Variants in PDZRN4 observed in about 807,000 individuals in gnomAD.
PDZRN4 encodes PDZ domain containing ring finger 4, also known as PDZ domain-containing RING finger protein 4.
A neutral mutation model predicts 99.0 loss-of-function variants in PDZRN4; 70 were observed. The observed-to-expected ratio is 0.71, with a 90% CI of 0.58 to 0.86. PDZRN4 has a LOEUF of 0.86. Ranked by LOEUF, PDZRN4 falls within the 40% of genes least tolerant of loss-of-function variation. The pLI is 0.00. For synonymous variants in PDZRN4, 551 were observed against 501.6 expected, an observed-to-expected ratio of 1.10 and a Z score of -1.32; for missense variants, 1,474 against 1,331.2, an observed-to-expected ratio of 1.11 and a Z score of -1.67.
chr12:41,319,399 G>A (rs984776788), intron 3 of PDZRN4, among the ~76,000 whole-genome samples: 9 of 152,100 alleles, frequency 5.9e-5, no homozygotes, highest in African/African-American at 2.2e-4. Flanking sequence ...TCGTGAGCTA[G>A]GTCACTGGGG....
intron 3 of PDZRN4, among the ~76,000 whole-genome samples, chr12:41,484,493 AC>A (rs1937737043): frequency 6.6e-6 from 1 of 152,166 alleles, no homozygotes; most frequent in Admixed American, 6.6e-5. Flanking sequence ...TCTGTTTCTC[AC>A]CTGCCCCAAA....
chr12:41,263,381 C>T (rs900684577), intron 3 of PDZRN4, among the ~76,000 whole-genome samples: 13 of 151,468 alleles, frequency 8.6e-5, no homozygotes, highest in African/African-American at 3.2e-4. Context: ...GGTGAAACCC[C>T]GCCTCTACTA....
At chr12:41,541,904 G>A (rs186993480) in intron 5 of PDZRN4, among the ~76,000 whole-genome samples, 8 of 152,278 alleles carry the variant, frequency 5.3e-5, no homozygotes, top group African/African-American at 1.9e-4. Flanking sequence ...TAGGCAAAAG[G>A]TATTTTGCCT....
chr12:41,428,515 AAG>A (rs1329525401), intron 3 of PDZRN4, among the ~76,000 whole-genome samples: 1 of 152,244 alleles, frequency 6.6e-6, no homozygotes. Context: ...ACTCTAAAAA[AAG>A]AGAGAAATAT....
chr12:41,202,247 C>G (rs565615645), intron 3 of PDZRN4, among the ~76,000 whole-genome samples: 2 of 152,092 alleles, frequency 1.3e-5, no homozygotes, highest in African/African-American at 4.8e-5. Flanking sequence ...ACCAGTAGCC[C>G]CAGCTGTGAG....
intron 3 of PDZRN4, among the ~76,000 whole-genome samples, chr12:41,301,342 C>G (rs570117537): frequency 6.6e-6 from 1 of 152,046 alleles, no homozygotes; most frequent in African/African-American, 2.4e-5. Context: ...TGAAAATTCC[C>G]TTTGTTATTC....
At chr12:41,366,095 G>C (rs1441058432) in intron 3 of PDZRN4, among the ~76,000 whole-genome samples, 1 of 152,122 alleles carries the variant, frequency 6.6e-6, no homozygotes, top group Non-Finnish European at 1.5e-5. Context: ...AGAGATGAGA[G>C]CAAGGTATTT....
intron 3 of PDZRN4, among the ~76,000 whole-genome samples, chr12:41,337,224 T>C (rs1951781923): frequency 6.6e-6 from 1 of 152,124 alleles, no homozygotes; most frequent in African/African-American, 2.4e-5. Context: ...TTTTTTTCAC[T>C]GTCATAATTT....
In PDZRN4 at chr12:41,276,835, G is replaced by A. The variant is rs139584117; in HGVS notation, c.843+82647G>A. 9.2e-5 allele frequency among the ~76,000 whole-genome samples: 14 copies of A among 152,276 alleles called. No homozygotes were observed. In the East Asian group the frequency reaches 2.5e-3, roughly 27 times the overall value. On this transcript the variant is annotated intron_variant, in intron 3 of 9. Coordinates refer to ENST00000402685, the MANE Select transcript of PDZRN4 (RefSeq NM_001164595.2). The stretch of plus-strand genomic sequence containing the variant: ...TACTCTTATTATCTATCTATGGTCA[G>A]TACCCTATATTTGTCTGGATAAACC...
At chr12:41,284,823 G>GA (rs1951411926) in intron 3 of PDZRN4, among the ~76,000 whole-genome samples, 1 of 152,016 alleles carries the variant, frequency 6.6e-6, no homozygotes, top group Non-Finnish European at 1.5e-5. Context: ...AACTGAAACT[G>GA]GACCCCTTGC....
intron 3 of PDZRN4, among the ~76,000 whole-genome samples, chr12:41,239,332 G>C (rs1467477139): frequency 6.6e-6 from 1 of 152,128 alleles, no homozygotes; most frequent in African/African-American, 2.4e-5. Context: ...AATGTTGTGG[G>C]GAGGGACAGC....
At chr12:41,225,643 T>C (rs1950988519) in intron 3 of PDZRN4, among the ~76,000 whole-genome samples, 1 of 152,136 alleles carries the variant, frequency 6.6e-6, no homozygotes, top group Non-Finnish European at 1.5e-5. Context: ...TGTATCAAAA[T>C]GGATGACTCC....
At chr12:41,563,787 C>T in intron 8 of PDZRN4, 138 bp downstream of exon 8, 2 of 633,842 alleles carry the variant, frequency 3.2e-6, no homozygotes, top group South Asian at 2.2e-5. Context: ...CCCCATATAA[C>T]CCACCAGATG....
chr12:41,398,071 T>C (rs1422324477), intron 3 of PDZRN4, among the ~76,000 whole-genome samples: 1 of 152,156 alleles, frequency 6.6e-6, no homozygotes, highest in Non-Finnish European at 1.5e-5. Flanking sequence ...TATAAAATGT[T>C]TCCAGTAAAG....
At chr12:41,316,713 A>AT (rs1565549821) in intron 3 of PDZRN4, among the ~76,000 whole-genome samples, 1 of 151,924 alleles carries the variant, frequency 6.6e-6, no homozygotes, top group Non-Finnish European at 1.5e-5. Context: ...ATTTAATCCA[A>AT]TTACCTCCTA....
chr12:41,438,148 G>T (rs1174368069), intron 3 of PDZRN4: 26 of 1,092,240 alleles, frequency 2.4e-5, no homozygotes, highest in Non-Finnish European at 3.4e-5. Context: ...CTGGTTTGGG[G>T]CTTTTAATTT....
At chr12:41,263,636 G>T in intron 3 of PDZRN4, among the ~76,000 whole-genome samples, 1 of 151,854 alleles carries the variant, frequency 6.6e-6, no homozygotes, top group Admixed American at 6.6e-5. Context: ...GCAGTGAGCC[G>T]AGATCCCACC....
chr12:41,466,752 T>TG (rs1027459553), intron 3 of PDZRN4, among the ~76,000 whole-genome samples: 7 of 21,978 alleles, frequency 3.2e-4, no homozygotes, highest in Non-Finnish European at 5.5e-4. Context: ...ATTTCCAGTG[T>TG]TTTTTTTTTT....
chr12:41,268,844 G>A (rs1463414631), intron 3 of PDZRN4, among the ~76,000 whole-genome samples: 1 of 152,134 alleles, frequency 6.6e-6, no homozygotes, highest in African/African-American at 2.4e-5. Context: ...ACATTAGAGG[G>A]ACACAAAGAA....
Sources: gnomAD v4.1 joint callset for allele counts (sites outside exome capture counted in the v4.1 genomes callset) on GRCh38, gnomAD v4.1.1 for gene constraint, MANE v1.5 for transcripts, NCBI Gene and HGNC (gene_info 2026-07-23, HGNC 2026-07-21) for gene names.